Variants in TES observed in about 807,000 individuals in gnomAD.
The protein encoded by TES is testin.
Under a neutral mutation model 48.2 loss-of-function variants are expected in TES, and 41 were observed. That is an observed-to-expected ratio of 0.85 (90% CI 0.66 to 1.10). The LOEUF (loss-of-function observed/expected upper bound fraction) is 1.10. TES is among the 50% of genes least tolerant of loss of function. The pLI, the probability that TES is intolerant of heterozygous loss-of-function variation, is 0.00. For synonymous variants in TES, 162 were observed against 174.9 expected (o/e 0.93, Z 0.58); for missense variants, 463 against 515.1 (o/e 0.90, Z 0.98).
At chr7:116,246,990 G>A (rs1799935849) in intron 2 of TES, among the ~76,000 whole-genome samples, 1 of 131,842 alleles carries the variant, frequency 7.6e-6, no homozygotes, top group South Asian at 2.5e-4. Flanking sequence ...CTAGTGTCAA[G>A]TACATTGCTT....
At chr7:116,228,187 A>G (rs1305814642) in intron 1 of TES, among the ~76,000 whole-genome samples, 1 of 152,136 alleles carries the variant, frequency 6.6e-6, no homozygotes, top group Non-Finnish European at 1.5e-5. Flanking sequence ...GTTTGGAGGC[A>G]CAGATCATGG....
intron 1 of TES, among the ~76,000 whole-genome samples, chr7:116,218,774 A>G (rs544526628): frequency 2.6e-5 from 4 of 152,162 alleles, no homozygotes; most frequent in South Asian, 2.1e-4. Context: ...ATAGAATGAC[A>G]TAAGTGCTAT....
intron 6 of TES, among the ~76,000 whole-genome samples, chr7:116,253,045 C>G (rs553501030): frequency 6.6e-6 from 1 of 152,304 alleles, no homozygotes; most frequent in African/African-American, 2.4e-5. Flanking sequence ...TTACACAGAG[C>G]TGCTGTTGTA....
At chr7:116,218,967 C>T (rs1234472096) in intron 1 of TES, among the ~76,000 whole-genome samples, 5 of 152,134 alleles carry the variant, frequency 3.3e-5, no homozygotes, top group Non-Finnish European at 2.9e-5. Context: ...TAATTGCCTA[C>T]TGTCAGTTTC....
rs1563004667 is a variant in TES at position 116,218,071 on chromosome 7, G to A, written c.27+7337G>A. On this transcript the variant is annotated intron_variant, in intron 1 of 6. Transcript: ENST00000358204. ...GGCTCAGATTTGAGCATGGCTTAAA[G>A]TGGGAGAGCGTTATTAGAAGCCAGC... is the stretch of plus-strand genomic sequence containing the variant. The A allele has an allele frequency of 7.5e-6, 3 of 397,524 alleles. No individual in the cohort carries two copies. In the East Asian group the frequency reaches 2.1e-4, roughly 28 times the overall value. The allele number at this position is 397,524 out of a possible 1,614,324, so 24.6% of individuals were successfully genotyped here. A position where few individuals can be genotyped will look rare whatever the true frequency, so the allele number is the denominator to read the frequency against.
chr7:116,245,821 G>T (rs77372207), intron 2 of TES, among the ~76,000 whole-genome samples: 1 of 152,130 alleles, frequency 6.6e-6, no homozygotes, highest in African/African-American at 2.4e-5. Context: ...CATGGCTGAG[G>T]AGGCCTCAGG....
At chr7:116,212,190 G>A (rs368001140) in intron 1 of TES, among the ~76,000 whole-genome samples, 10 of 152,284 alleles carry the variant, frequency 6.6e-5, no homozygotes, top group African/African-American at 2.4e-4. Context: ...GGGGGGTCTT[G>A]TCCTTGCTTT....
At chr7:116,247,392 GTTTTA>G (rs1442755740) in intron 2 of TES, among the ~76,000 whole-genome samples, 1 of 152,022 alleles carries the variant, frequency 6.6e-6, no homozygotes, top group Non-Finnish European at 1.5e-5. Context: ...AATTTTTGTG[GTTTTA>G]TTTAATTCAT....
At chr7:116,239,435 A>C (rs1278251190) in intron 2 of TES, among the ~76,000 whole-genome samples, 1 of 152,218 alleles carries the variant, frequency 6.6e-6, no homozygotes, top group East Asian at 1.9e-4. Context: ...ATTGTACCTA[A>C]TCCTCCTAAT....
chr7:116,240,196 A>G (rs1584621921), intron 2 of TES, among the ~76,000 whole-genome samples: 1 of 152,190 alleles, frequency 6.6e-6, no homozygotes, highest in African/African-American at 2.4e-5. Context: ...ACCCTTTTAA[A>G]TTATGGTTTG....
intron 2 of TES, among the ~76,000 whole-genome samples, chr7:116,247,632 C>T (rs1284221263): frequency 1.3e-5 from 2 of 151,988 alleles, no homozygotes; most frequent in East Asian, 3.9e-4. Flanking sequence ...AATTGCTTCT[C>T]GTTATCATAT....
chr7:116,245,010 G>A (rs1436659284), intron 2 of TES, among the ~76,000 whole-genome samples: 1 of 152,142 alleles, frequency 6.6e-6, no homozygotes, highest in Non-Finnish European at 1.5e-5. Flanking sequence ...CACAGAGCAA[G>A]GGATCCCTGG....
chr7:116,229,864 CT>C (rs780147384), intron 1 of TES, among the ~76,000 whole-genome samples: 2 of 152,158 alleles, frequency 1.3e-5, no homozygotes, highest in Non-Finnish European at 2.9e-5. Context: ...CACGTATCTT[CT>C]TTCTTGGAAA....
At chr7:116,229,470 G>C (rs1335606040) in intron 1 of TES, among the ~76,000 whole-genome samples, 2 of 152,150 alleles carry the variant, frequency 1.3e-5, no homozygotes, top group Non-Finnish European at 2.9e-5. Context: ...ATAATGGAGA[G>C]AAATTAGAGA....
chr7:116,234,623 T>A lies in TES; in HGVS notation c.113+4T>A. The A allele has an allele frequency of 2.5e-6, 4 of 1,613,086 alleles. No homozygotes were observed. Among genetic ancestry groups the A allele is most frequent in the Non-Finnish European group, 3.4e-6 (4 of 1,179,166 alleles). ...GATTCGAACTGCACTTCTGGAGGTA[T>A]TGTTTTGAAAACTGCAACCACATTA... is the stretch of plus-strand genomic sequence containing the variant. On this transcript the variant is annotated splice_donor_region_variant and intron_variant, in intron 2 of 6. Coordinates refer to ENST00000358204, the MANE Select transcript of TES (RefSeq NM_015641.4).
chr7:116,222,746 T>C (rs1423992768), intron 1 of TES: 9 of 152,720 alleles, frequency 5.9e-5, no homozygotes. Context: ...CCAGATTCTT[T>C]TATGGAACTC....
At chr7:116,241,469 G>C (rs901150997) in intron 2 of TES, among the ~76,000 whole-genome samples, 60 of 152,180 alleles carry the variant, frequency 3.9e-4, no homozygotes, top group African/African-American at 1.4e-3. Context: ...GAAGGGATGT[G>C]GTCATCCCAA....
intron 1 of TES, among the ~76,000 whole-genome samples, chr7:116,228,801 A>G (rs549932195): frequency 6.6e-6 from 1 of 152,078 alleles, no homozygotes; most frequent in East Asian, 1.9e-4. Flanking sequence ...ATGATTTGCA[A>G]TAAAATTAAA....
intron 6 of TES, among the ~76,000 whole-genome samples, chr7:116,253,986 T>G (rs1048476870): frequency 3.3e-5 from 5 of 152,160 alleles, no homozygotes; most frequent in Non-Finnish European, 7.3e-5. Flanking sequence ...AGAAAATGTT[T>G]GAGTGACTGA....
Sources: gnomAD v4.1 joint callset for allele counts (sites outside exome capture counted in the v4.1 genomes callset) on GRCh38, gnomAD v4.1.1 for gene constraint, MANE v1.5 for transcripts, NCBI Gene and HGNC (gene_info 2026-07-23, HGNC 2026-07-21) for gene names.